The following CALN1 variants were observed in gnomAD, a reference collection of about 807,000 sequenced individuals.
The protein encoded by CALN1 is calcium-binding protein 8.
CALN1 carries 17 observed loss-of-function variants against 30.6 expected under a neutral mutation model. The ratio of observed to expected loss-of-function variants is 0.56; its 90% CI spans 0.38 to 0.83. The LOEUF (loss-of-function observed/expected upper bound fraction) is 0.83. Among genes scored for constraint, CALN1 ranks in the 40% least tolerant of loss-of-function variants. The pLI, the probability that CALN1 is intolerant of heterozygous loss-of-function variation, is 0.00. For synonymous variants in CALN1, 156 were observed against 131.4 expected (o/e 1.19, Z -1.28); for missense variants, 291 against 354.9 (o/e 0.82, Z 1.45).
intron 5 of CALN1, among the ~76,000 whole-genome samples, chr7:71,926,456 C>T (rs1795275622): frequency 6.6e-6 from 1 of 152,208 alleles, no homozygotes. Context: ...GGAGAGCAAA[C>T]CCTATCCATG....
At chr7:72,236,125 T>C (rs1187282681) in intron 3 of CALN1, among the ~76,000 whole-genome samples, 2 of 151,376 alleles carry the variant, frequency 1.3e-5, no homozygotes, top group East Asian at 1.9e-4. Flanking sequence ...AAGAACCTGA[T>C]TTCACATTCC....
intron 3 of CALN1, among the ~76,000 whole-genome samples, chr7:72,163,135 A>T (rs1176020585): frequency 1.3e-5 from 2 of 152,184 alleles, no homozygotes; most frequent in Non-Finnish European, 2.9e-5. Flanking sequence ...AACGTTTGGA[A>T]TTTCAATTGA....
intron 3 of CALN1, among the ~76,000 whole-genome samples, chr7:72,217,900 T>C (rs537597315): frequency 1.3e-4 from 17 of 127,098 alleles, no homozygotes; most frequent in Admixed American, 1.3e-3. Flanking sequence ...TGGACTGCAG[T>C]GGCACTATCT....
At chr7:72,358,778 G>A (rs976140122) in intron 2 of CALN1, among the ~76,000 whole-genome samples, 3 of 151,944 alleles carry the variant, frequency 2.0e-5, no homozygotes, top group African/African-American at 4.8e-5. Flanking sequence ...GTGAAACTCC[G>A]TCTCTACTAA....
intron 1 of CALN1, among the ~76,000 whole-genome samples, chr7:72,436,569 C>T (rs114211837): frequency 0.012 from 1,834 of 152,226 alleles, 33 homozygotes; most frequent in African/African-American, 0.042. Context: ...TGGTGTTGAT[C>T]TTCTTGGGCC....
intron 2 of CALN1, among the ~76,000 whole-genome samples, chr7:72,311,819 A>C (rs1800075986): frequency 6.6e-6 from 1 of 151,838 alleles, no homozygotes; most frequent in Non-Finnish European, 1.5e-5. Flanking sequence ...ATTTCAAGCA[A>C]AGTAAGGTGA....
chr7:72,218,352 G>C (rs1793006972), intron 3 of CALN1, among the ~76,000 whole-genome samples: 2 of 151,958 alleles, frequency 1.3e-5, no homozygotes, highest in African/African-American at 4.8e-5. Flanking sequence ...GGAAGCTAAG[G>C]CAGGAGAATC....
At chr7:72,034,990 C>T (rs1263125549) in intron 4 of CALN1, among the ~76,000 whole-genome samples, 1 of 151,852 alleles carries the variant, frequency 6.6e-6, no homozygotes, top group Non-Finnish European at 1.5e-5. Flanking sequence ...TAAAAATATC[C>T]AGACATGTAC....
intron 3 of CALN1, among the ~76,000 whole-genome samples, chr7:72,122,301 A>C (rs1028319708): frequency 1.3e-5 from 2 of 152,160 alleles, no homozygotes; most frequent in Non-Finnish European, 2.9e-5. Flanking sequence ...CATTTTGTGG[A>C]TTTAGCATAG....
chr7:72,314,366 C>CATATATATACATATATATACATATACAT (rs371418054), intron 2 of CALN1, among the ~76,000 whole-genome samples: 2 of 81,804 alleles, frequency 2.4e-5, no homozygotes, highest in African/African-American at 5.5e-5. Flanking sequence ...TATACATATA[C>CATATATATACATATATATACATATACAT]ATATATACAC....
chr7:72,470,380 A>G, the CALN1 span, among the ~76,000 whole-genome samples: 1 of 152,098 alleles, frequency 6.6e-6, no homozygotes, highest in African/African-American at 2.4e-5. Flanking sequence ...CCCCGACTCT[A>G]AAAAATAATT....
At chr7:72,306,704 T>C (rs1057432978) in intron 2 of CALN1, among the ~76,000 whole-genome samples, 1 of 152,150 alleles carries the variant, frequency 6.6e-6, no homozygotes, top group Non-Finnish European at 1.5e-5. Flanking sequence ...AGCCCCCATT[T>C]TGAGTTATCC....
chr7:72,183,745 T>G (rs1789983355), intron 3 of CALN1, among the ~76,000 whole-genome samples: 1 of 152,208 alleles, frequency 6.6e-6, no homozygotes, highest in Non-Finnish European at 1.5e-5. Context: ...GCAGGGCAAC[T>G]CACATTTATA....
At chr7:72,430,807 T>A (rs958573679) in intron 1 of CALN1, among the ~76,000 whole-genome samples, 3 of 152,048 alleles carry the variant, frequency 2.0e-5, no homozygotes, top group Admixed American at 1.3e-4. Flanking sequence ...CAGTGCCACC[T>A]CCGGCTCTAC....
intron 2 of CALN1, among the ~76,000 whole-genome samples, chr7:72,351,019 T>C (rs1487566918): frequency 6.6e-6 from 1 of 151,962 alleles, no homozygotes; most frequent in Non-Finnish European, 1.5e-5. Context: ...CAGGCACCTA[T>C]AAACCCAGCT....
At chr7:72,242,952 AC>A (rs1263721281) in intron 3 of CALN1, among the ~76,000 whole-genome samples, 9 of 152,234 alleles carry the variant, frequency 5.9e-5, no homozygotes, top group African/African-American at 1.9e-4. Context: ...GAAAAATAAT[AC>A]TAAAGTTAGC....
chr7:72,337,325 C>A (rs1188368146), intron 2 of CALN1: 9 of 967,880 alleles, frequency 9.3e-6, no homozygotes, highest in African/African-American at 1.8e-5. Flanking sequence ...GGTCGGGGAG[C>A]CCCCACCCCC....
At chr7:72,487,718 AAAG>A in the CALN1 span, among the ~76,000 whole-genome samples, 2 of 83,156 alleles carry the variant, frequency 2.4e-5, no homozygotes, top group African/African-American at 1.2e-4. Flanking sequence ...AAAAGAAAAG[AAAG>A]AAAGAAAGAA....
At chr7:71,885,098 C>T (rs1792819558) in intron 5 of CALN1, among the ~76,000 whole-genome samples, 1 of 152,216 alleles carries the variant, frequency 6.6e-6, no homozygotes, top group South Asian at 2.1e-4. Flanking sequence ...CCTGGAAGCT[C>T]CCTGCCCGCT....
Sources: allele counts gnomAD v4.1 joint callset (sites outside exome capture counted in the v4.1 genomes callset), GRCh38; gene constraint gnomAD v4.1.1; transcripts MANE v1.5; gene names NCBI Gene and HGNC (gene_info 2026-07-23, HGNC 2026-07-21).